Variants in UNC5C observed in about 807,000 individuals in gnomAD.
The protein encoded by UNC5C is netrin receptor UNC5C.
A neutral mutation model predicts 99.8 loss-of-function variants in UNC5C; 47 were observed. That is an observed-to-expected ratio of 0.47 (90% CI 0.37 to 0.60). UNC5C has a LOEUF of 0.60. Ranked by LOEUF, UNC5C falls within the 20% of genes least tolerant of loss-of-function variation. UNC5C has a pLI of 0.00. For synonymous variants in UNC5C, 487 were observed against 452.2 expected, an observed-to-expected ratio of 1.08 and a Z score of -0.98; for missense variants, 1,062 against 1,165.9, an observed-to-expected ratio of 0.91 and a Z score of 1.30.
intron 12 of UNC5C, among the ~76,000 whole-genome samples, chr4:95,201,078 G>A (rs566575184): frequency 6.6e-6 from 1 of 152,276 alleles, no homozygotes; most frequent in East Asian, 1.9e-4. Context: ...CACCCATGCT[G>A]GCATCTTGAT....
chr4:95,318,524 GA>G (rs756234676), intron 2 of UNC5C, among the ~76,000 whole-genome samples: 1 of 152,168 alleles, frequency 6.6e-6, no homozygotes, highest in Admixed American at 6.5e-5. Context: ...AAAAAGGTGA[GA>G]AAAAACTGTC....
chr4:95,420,558 A>C (rs1220032984), intron 1 of UNC5C, among the ~76,000 whole-genome samples: 1 of 152,196 alleles, frequency 6.6e-6, no homozygotes, highest in Non-Finnish European at 1.5e-5. Context: ...AGAGTTCTAA[A>C]TTGGCCTAAA....
chr4:95,458,065 G>A (rs1239939365), intron 1 of UNC5C, among the ~76,000 whole-genome samples: 1 of 152,138 alleles, frequency 6.6e-6, no homozygotes, highest in East Asian at 1.9e-4. Flanking sequence ...TGTAGTGTGT[G>A]TGTACATTTC....
intron 1 of UNC5C, among the ~76,000 whole-genome samples, chr4:95,431,234 AC>A (rs1199213688): frequency 6.6e-6 from 1 of 151,988 alleles, no homozygotes; most frequent in Non-Finnish European, 1.5e-5. Context: ...CCTTATGCTC[AC>A]CCCCATACCA....
At chr4:95,232,533 C>T (rs977865680) in intron 7 of UNC5C, among the ~76,000 whole-genome samples, 1 of 152,100 alleles carries the variant, frequency 6.6e-6, no homozygotes, top group Non-Finnish European at 1.5e-5. Flanking sequence ...CCTGCACCCC[C>T]GTGATCTCGA....
At chr4:95,479,767 C>G (rs543728364) in intron 1 of UNC5C, among the ~76,000 whole-genome samples, 1 of 151,884 alleles carries the variant, frequency 6.6e-6, no homozygotes, top group Non-Finnish European at 1.5e-5. Flanking sequence ...TATGTGTCAA[C>G]TTGACTGGAC....
chr4:95,422,225 T>C (rs1014357137), intron 1 of UNC5C, among the ~76,000 whole-genome samples: 1 of 152,214 alleles, frequency 6.6e-6, no homozygotes, highest in African/African-American at 2.4e-5. Flanking sequence ...TAATATTAAG[T>C]TCATCTTCTT....
At chr4:95,518,772 T>C (rs566056649) in intron 1 of UNC5C, among the ~76,000 whole-genome samples, 124 of 152,330 alleles carry the variant, frequency 8.1e-4, no homozygotes, top group African/African-American at 2.9e-3. Flanking sequence ...AATAAAACAT[T>C]AACATCTCTT....
chr4:95,206,003 CTT>C (rs70946599), intron 11 of UNC5C, among the ~76,000 whole-genome samples: 42 of 142,940 alleles, frequency 2.9e-4, no homozygotes, highest in African/African-American at 2.8e-4. Context: ...TATACATATA[CTT>C]TTTTTTTTTT....
intron 7 of UNC5C, 46 bp downstream of exon 7, chr4:95,242,383 A>C (rs757099136): frequency 1.2e-6 from 2 of 1,607,416 alleles, no homozygotes; most frequent in East Asian, 4.5e-5. Context: ...CAAATGGTTC[A>C]ATCTCCAGCC....
chr4:95,183,001 G>C lies in UNC5C; in HGVS notation c.2347C>G (p.Leu783Val). The C allele has an allele frequency of 6.2e-7, 1 of 1,613,430 alleles. No individual in the cohort carries two copies. Among genetic ancestry groups the C allele is most frequent in the Non-Finnish European group, 8.5e-7 (1 of 1,179,514 alleles). ...SQRNLHCTFT[L>V]ERFSLNTVEL... ...ACTGTGTTCAGGCTAAATCTTTCCA[G>C]AGTGAAGGTGCAGTGCAGGTTTCTT... The change falls in exon 14 of 16, where the codon CTG becomes GTG. Residue 783 changes from leucine (L) to valine (V), a missense_variant. Around this residue, in one of 3 missense-constraint regions of UNC5C, gnomAD observed 810 missense variants for 854.5 expected, o/e 0.95. Transcript: ENST00000453304.
At chr4:95,241,153 C>G (rs148570222) in intron 7 of UNC5C, among the ~76,000 whole-genome samples, 163 of 152,224 alleles carry the variant, frequency 1.1e-3, no homozygotes, top group Admixed American at 1.6e-3. Flanking sequence ...AATCCTCAAC[C>G]CAAACAAACT....
At chr4:95,532,657 T>C (rs963589149) in intron 1 of UNC5C, among the ~76,000 whole-genome samples, 1 of 152,046 alleles carries the variant, frequency 6.6e-6, no homozygotes, top group Non-Finnish European at 1.5e-5. Flanking sequence ...TCTGAGGAAT[T>C]AACACTTGTT....
intron 1 of UNC5C, among the ~76,000 whole-genome samples, chr4:95,523,120 G>T (rs1194361833): frequency 6.6e-6 from 1 of 152,132 alleles, no homozygotes; most frequent in African/African-American, 2.4e-5. Flanking sequence ...GCAGAGGAGG[G>T]GCTGAGCAAG....
At chr4:95,477,822 G>A (rs922339989) in intron 1 of UNC5C, among the ~76,000 whole-genome samples, 45 of 151,876 alleles carry the variant, frequency 3.0e-4, no homozygotes, top group African/African-American at 1.1e-3. Context: ...AGTATAATAA[G>A]CACATACCTA....
chr4:95,492,450 G>T lies in UNC5C; in HGVS notation c.124+56284C>A, dbSNP rs145144354. On this transcript the variant is annotated intron_variant, in intron 1 of 15. Coordinates refer to ENST00000453304, the MANE Select transcript of UNC5C (RefSeq NM_003728.4). ...CCAGTTACTAAGCTGCTCTCTTGCAGCCTTAGAAGACTGAATTATTATCTG... is the reference window on the plus strand; with the variant it reads ...CCAGTTACTAAGCTGCTCTCTTGCATCCTTAGAAGACTGAATTATTATCTG... Among the ~76,000 whole-genome samples, 57 of 151,336 alleles carry T rather than the reference G, an allele frequency of 3.8e-4. No homozygotes were observed. The East Asian group carries it at 0.011, about 28-fold the overall frequency.
intron 1 of UNC5C, among the ~76,000 whole-genome samples, chr4:95,380,849 ATTAAC>A (rs1470006316): frequency 1.3e-5 from 2 of 152,140 alleles, no homozygotes; most frequent in Non-Finnish European, 2.9e-5. Flanking sequence ...GCCCACTTTA[ATTAAC>A]TTAACCTCAT....
At chr4:95,517,414 C>T (rs1722245786) in intron 1 of UNC5C, among the ~76,000 whole-genome samples, 1 of 152,030 alleles carries the variant, frequency 6.6e-6, no homozygotes, top group African/African-American at 2.4e-5. Flanking sequence ...GCCTAGCACA[C>T]ACAATGAAAG....
intron 2 of UNC5C, among the ~76,000 whole-genome samples, chr4:95,317,571 T>G (rs1264495367): frequency 1.3e-5 from 2 of 152,150 alleles, no homozygotes; most frequent in Non-Finnish European, 2.9e-5. Context: ...GCAATGAGAA[T>G]GAGACGGAAT....
Sources: gnomAD v4.1 joint callset for allele counts (sites outside exome capture counted in the v4.1 genomes callset) on GRCh38, gnomAD v4.1.1 for gene constraint, gnomAD v4.1.1 regional missense constraint, MANE v1.5 for transcripts, NCBI Gene and HGNC (gene_info 2026-07-23, HGNC 2026-07-21) for gene names.